Variants in HAUS2 observed in about 807,000 individuals in gnomAD.
HAUS2 encodes HAUS augmin-like complex subunit 2.
In HAUS2, 20 loss-of-function variants were observed where a neutral mutation model predicts 21.6. The observed-to-expected ratio is 0.93, with a 90% CI of 0.65 to 1.35. HAUS2 has a LOEUF of 1.35. HAUS2 is among the 40% of genes most tolerant of loss of function. The pLI, the probability that HAUS2 is intolerant of heterozygous loss-of-function variation, is 0.00. For synonymous variants in HAUS2, 113 were observed against 95.6 expected, an observed-to-expected ratio of 1.18 and a Z score of -1.06; for missense variants, 297 against 280.7, an observed-to-expected ratio of 1.06 and a Z score of -0.42.
In HAUS2 at chr15:42,566,095, G is replaced by T. The variant is rs562480814; in HGVS notation, c.499-512G>T. Among the ~76,000 whole-genome samples the T allele has an allele frequency of 2.6e-5, 4 of 152,188 alleles. No homozygotes were observed. In the South Asian group the frequency reaches 8.3e-4, roughly 32 times the overall value. The stretch of plus-strand genomic sequence containing the variant: ...CACGTGCCTGTAGTCCCACCTACCT[G>T]GGAGGATGAGGCAGAAGAATCGCTT... On this transcript the variant is annotated intron_variant, in intron 5 of 5. Transcript: ENST00000260372.
intron 3 of HAUS2, chr15:42,560,812 G>A (rs927720355): frequency 2.4e-5 from 17 of 702,014 alleles, no homozygotes; most frequent in Non-Finnish European, 4.4e-5. Flanking sequence ...GCCCAGGCTG[G>A]TCTCGAACTC....
At chr15:42,563,632 C>T in intron 4 of HAUS2, 117 bp from the exon 5 acceptor site, 3 of 673,068 alleles carry the variant, frequency 4.5e-6, no homozygotes, top group African/African-American at 1.8e-5. Context: ...TTGTTATTGG[C>T]TCTCTAGGTT....
intron 1 of HAUS2, among the ~76,000 whole-genome samples, chr15:42,549,853 G>C (rs1040134223): frequency 6.6e-6 from 1 of 151,224 alleles, no homozygotes; most frequent in Admixed American, 6.6e-5. Flanking sequence ...TTGAGAAGGA[G>C]AGAAAAGAGA....
intron 1 of HAUS2, among the ~76,000 whole-genome samples, chr15:42,552,030 T>C (rs61001464): frequency 0.047 from 7,103 of 151,952 alleles, 554 homozygotes; most frequent in African/African-American, 0.16. Context: ...GTTTTTTTTG[T>C]TTTTTTCCCT....
intron 1 of HAUS2, among the ~76,000 whole-genome samples, chr15:42,551,888 C>T (rs1427648955): frequency 6.6e-6 from 1 of 152,200 alleles, no homozygotes; most frequent in Non-Finnish European, 1.5e-5. Context: ...TAAGATCCCA[C>T]TCCATAGCTC....
At chr15:42,558,433 T>G (rs1224048192) in intron 2 of HAUS2, 143 bp downstream of exon 2, 2 of 532,300 alleles carry the variant, frequency 3.8e-6, no homozygotes, top group African/African-American at 2.0e-5. Flanking sequence ...GTTCACGCCG[T>G]TCTTCTGCCT....
At chr15:42,561,643 T>C in intron 4 of HAUS2, 1 of 394,234 alleles carries the variant, frequency 2.5e-6, no homozygotes, top group Non-Finnish European at 4.6e-6. Flanking sequence ...ATGAAAGAAA[T>C]TAGATCCATA....
Position 42,553,491 on chromosome 15 carries a change from A to T in HAUS2, c.93+4526A>T, listed in dbSNP as rs531977196. On this transcript the variant is annotated intron_variant, in intron 1 of 5. Coordinates refer to ENST00000260372, the MANE Select transcript of HAUS2 (RefSeq NM_018097.3). ...CTGATACTTTTTTCTTTTTTTTTTT[A>T]AATGTGTTAAACTAAGTCTCAATCC... Among the ~76,000 whole-genome samples, 1,270 of 137,858 alleles carry T rather than the reference A, an allele frequency of 9.2e-3. 15 individuals carry two copies. Among genetic ancestry groups the T allele is most frequent in the Middle Eastern group, 0.037 (10 of 270 alleles). 90.4% of individuals were successfully genotyped at this position (137,858 alleles called of 152,430 possible).
Position 42,563,771 on chromosome 15 carries a change from T to A in HAUS2, c.412T>A (p.Leu138Met). The A allele has an allele frequency of 6.4e-7, 1 of 1,563,220 alleles. No individual in the cohort carries two copies. Among genetic ancestry groups the A allele is most frequent in the Non-Finnish European group, 8.8e-7 (1 of 1,137,340 alleles). Residue 138 changes from leucine to methionine, a missense_variant, in exon 5 of 6, where the codon TTG (leucine) becomes ATG (methionine). Physicochemically the swap from Leu to Met is conservative, Grantham distance 15 (BLOSUM62 2). Transcript: ENST00000260372. Reference protein sequence around the residue: ...YHRYMVHLLELAVTFIERLET... With the variant: ...YHRYMVHLLEMAVTFIERLET... The stretch of plus-strand genomic sequence containing the variant: ...CAGATATATGGTACATTTGCTGGAG[T>A]TGGCTGTGACTTTCATTGAGAGATT...
intron 2 of HAUS2, 24 bp downstream of exon 2, chr15:42,558,314 C>CTT (rs547363768): frequency 0.015 from 5,418 of 369,292 alleles, no homozygotes; most frequent in South Asian, 0.023. Context: ...TTTTCACTTT[C>CTT]TTTTTTTTTT....
At chr15:42,555,889 A>G (rs1407921198) in intron 1 of HAUS2, among the ~76,000 whole-genome samples, 7 of 152,178 alleles carry the variant, frequency 4.6e-5, no homozygotes, top group Admixed American at 4.6e-4. Context: ...TAAATGGATG[A>G]GAGAAGTCAT....
At chr15:42,554,994 ATTT>A (rs1302787324) in intron 1 of HAUS2, among the ~76,000 whole-genome samples, 1 of 141,964 alleles carries the variant, frequency 7.0e-6, no homozygotes, top group Non-Finnish European at 1.6e-5. Flanking sequence ...TGCCTGGCTA[ATTT>A]TTTTTTTTTT....
intron 1 of HAUS2, among the ~76,000 whole-genome samples, chr15:42,552,554 T>C (rs2057736612): frequency 6.6e-6 from 1 of 152,222 alleles, no homozygotes; most frequent in Admixed American, 6.5e-5. Context: ...TGTTTCAATC[T>C]GTTAGAGAGT....
chr15:42,562,360 C>T (rs927941628), intron 4 of HAUS2, among the ~76,000 whole-genome samples: 1 of 152,194 alleles, frequency 6.6e-6, no homozygotes, highest in Admixed American at 6.5e-5. Flanking sequence ...CTTTGGGAGG[C>T]CGAGGTGGCT....
At chr15:42,565,547 G>A (rs983337111) in intron 5 of HAUS2, among the ~76,000 whole-genome samples, 28 of 152,178 alleles carry the variant, frequency 1.8e-4, no homozygotes, top group Admixed American at 1.6e-3. Context: ...TGGGCAGAGA[G>A]TATCAACATC....
At position 42,561,334 on chromosome 15, in the gene HAUS2, A is replaced by C. The variant is rs1419118528; in HGVS notation, c.321A>C (p.Arg107Ser). 6.3e-7 allele frequency: 1 copy of C among 1,575,512 alleles called. No homozygotes were observed. Among genetic ancestry groups the C allele is most frequent in the Non-Finnish European group, 8.7e-7 (1 of 1,145,014 alleles). ...TGGAAGCAGTGCTGAAAGAGAAGAG[A>C]TCCCTTAGGCAAAGACTGTTGAAAC... ...NHLEAVLKEK[R>S]SLRQRLLKPM... is the part of the protein sequence containing the mutation. The change falls in exon 4 of 6, where the codon AGA becomes AGC. Residue 107 changes from arginine (R) to serine (S), a missense_variant. Arg to Ser is a moderately radical substitution (Grantham distance 110). Transcript: ENST00000260372.
In HAUS2 at chr15:42,565,324, A is replaced by G. The variant is rs552085705; in HGVS notation, c.499-1283A>G. On this transcript the variant is annotated intron_variant, in intron 5 of 5. Coordinates refer to ENST00000260372, the MANE Select transcript of HAUS2 (RefSeq NM_018097.3). ...AGATTAGCTCAGGGTTAGTTTATGCAGTGCCTTAAAAACCAGACTAATAAC... is the reference window on the plus strand; with the variant it reads ...AGATTAGCTCAGGGTTAGTTTATGCGGTGCCTTAAAAACCAGACTAATAAC... 7.9e-5 allele frequency among the ~76,000 whole-genome samples: 12 copies of G among 151,978 alleles called. 1 individual carries two copies. Among genetic ancestry groups the G allele is most frequent in the Admixed American group, 7.9e-4 (12 of 15,228 alleles).
Position 42,566,737 on chromosome 15 carries a change from A to T in HAUS2, c.629A>T (p.Tyr210Phe). ...CIPKILAEES[Y>F]LYKHDIIMPP... ...CCCAAAATATTAGCTGAAGAAAGTT[A>T]TCTTTATAAACATGATATTATAATG... Residue 210 changes from tyrosine to phenylalanine, a missense_variant, in exon 6 of 6, where the codon TAT (tyrosine) becomes TTT (phenylalanine). Transcript: ENST00000260372. 1 of 1,559,624 alleles carries T rather than the reference A, an allele frequency of 6.4e-7. No homozygotes were observed. The highest frequency in any genetic ancestry group is 8.8e-7 in the Non-Finnish European group (1 of 1,130,522).
chr15:42,562,013 CA>C (rs958151504), intron 4 of HAUS2, among the ~76,000 whole-genome samples: 197 of 140,774 alleles, frequency 1.4e-3, no homozygotes, highest in Middle Eastern at 7.1e-3. Context: ...CCTGTTTCTA[CA>C]AAAAAAAAAA....
Sources: gnomAD v4.1 joint callset for allele counts (sites outside exome capture counted in the v4.1 genomes callset) on GRCh38, gnomAD v4.1.1 for gene constraint, MANE v1.5 for transcripts, NCBI Gene and HGNC (gene_info 2026-07-23, HGNC 2026-07-21) for gene names.